RSF1: variants seen among roughly 807,000 people sequenced by gnomAD.
RSF1 encodes the protein remodeling and spacing factor 1.
A neutral mutation model predicts 145.2 loss-of-function variants in RSF1; 13 were observed. The observed-to-expected ratio is 0.09, with a 90% CI of 0.06 to 0.14. The LOEUF (loss-of-function observed/expected upper bound fraction) is 0.14. RSF1 is among the 10% of genes least tolerant of loss of function. The pLI, the probability that RSF1 is intolerant of heterozygous loss-of-function variation, is 1.00. For missense variants in RSF1, 1,517 were observed against 1,718.2 expected (o/e 0.88, Z 2.07); for synonymous variants, 577 against 592.6 (o/e 0.97, Z 0.38).
At chr11:77,736,984 CAG>C (rs1295877839) in intron 4 of RSF1, among the ~76,000 whole-genome samples, 1 of 152,162 alleles carries the variant, frequency 6.6e-6, no homozygotes, top group African/African-American at 2.4e-5. Flanking sequence ...TACACAAAAT[CAG>C]AGAGTCAATA....
At chr11:77,734,738 C>T (rs1015151296) in intron 4 of RSF1, 103 of 1,497,856 alleles carry the variant, frequency 6.9e-5, no homozygotes, top group African/African-American at 2.3e-4. Context: ...ACATTCAGCC[C>T]GCTCTCCCAG....
the RSF1 span, among the ~76,000 whole-genome samples, chr11:77,833,015 T>A: frequency 3.8e-5 from 5 of 133,308 alleles, no homozygotes; most frequent in East Asian, 2.1e-4. Context: ...ATATATTTTT[T>A]TTTTTTTTTT....
chr11:77,794,714 C>T (rs1948554493), intron 1 of RSF1, among the ~76,000 whole-genome samples: 1 of 151,852 alleles, frequency 6.6e-6, no homozygotes, highest in South Asian at 2.1e-4. Context: ...ATAACAAAGC[C>T]CATAGATAAC....
At chr11:77,792,918 G>C (rs1405989438) in intron 1 of RSF1, among the ~76,000 whole-genome samples, 3 of 152,060 alleles carry the variant, frequency 2.0e-5, no homozygotes, top group Non-Finnish European at 4.4e-5. Context: ...GGAAGTCAAA[G>C]GATGATATTT....
chr11:77,842,628 G>A, the RSF1 span: 3 of 1,613,612 alleles, frequency 1.9e-6, no homozygotes, highest in African/African-American at 1.3e-5. Context: ...CAGGAACTGA[G>A]GTAAGATATT....
chr11:77,735,139 T>G lies in RSF1; in HGVS notation c.578+5592A>C, dbSNP rs946121266. On this transcript the variant is annotated intron_variant, in intron 4 of 15. Coordinates refer to ENST00000308488, the MANE Select transcript of RSF1 (RefSeq NM_016578.4). ...CGTGAAGAGGTGAGGGAGGGCTGGC[T>G]ATGGGCGGCCGGCTGGGGTGGGGGA... 1.3e-5 allele frequency: 9 copies of G among 717,972 alleles called. No homozygotes were observed. The African/African-American group carries it at 1.6e-4, about 12-fold the overall frequency. 44.5% of individuals were successfully genotyped at this position (717,972 alleles called of 1,614,324 possible). A position where few individuals can be genotyped will look rare whatever the true frequency, so the allele number is the denominator to read the frequency against.
chr11:77,848,787 A>G, the RSF1 span, among the ~76,000 whole-genome samples: 1 of 151,816 alleles, frequency 6.6e-6, no homozygotes, highest in Non-Finnish European at 1.5e-5. Context: ...GTTTCTTTCT[A>G]CTACATATTG....
the RSF1 span, among the ~76,000 whole-genome samples, chr11:77,827,207 A>C: frequency 6.6e-6 from 1 of 152,206 alleles, no homozygotes; most frequent in Admixed American, 6.5e-5. Flanking sequence ...GGTCAGTTCT[A>C]CCAAAAGTTG....
chr11:77,681,129 T>C lies in RSF1; in HGVS notation c.3065+2581A>G, dbSNP rs1471631582. On this transcript the variant is annotated intron_variant, in intron 11 of 15. Transcript: ENST00000308488. The stretch of plus-strand genomic sequence containing the variant: ...TTGATTTATATCCCAGATGCAGAGC[T>C]TCAGATAAAAGATTTCTGAATACAA... Among the ~76,000 whole-genome samples, 4 of 152,216 alleles carry C rather than the reference T, an allele frequency of 2.6e-5. No individual in the cohort carries two copies. The East Asian group carries it at 7.7e-4, about 29-fold the overall frequency.
At chr11:77,729,492 T>C (rs1019603453) in intron 4 of RSF1, among the ~76,000 whole-genome samples, 6 of 151,452 alleles carry the variant, frequency 4.0e-5, no homozygotes, top group African/African-American at 1.5e-4. Context: ...AGCCTAGGAG[T>C]TGTTCAGAGT....
At chr11:77,715,205 A>G (rs1467832791) in intron 5 of RSF1, among the ~76,000 whole-genome samples, 2 of 151,706 alleles carry the variant, frequency 1.3e-5, no homozygotes, top group African/African-American at 4.8e-5. Flanking sequence ...CAGCAGCACT[A>G]TAGTCTGTAT....
At position 77,669,594 on chromosome 11, in the gene RSF1, T is replaced by A. The variant is rs117861852; in HGVS notation, c.3752-2103A>T. 6.8e-3 allele frequency among the ~76,000 whole-genome samples: 1,037 copies of A among 152,356 alleles called. 1 individual carries two copies. Among genetic ancestry groups the A allele is most frequent in the Non-Finnish European group, 0.01 (696 of 68,030 alleles). Reference sequence around the variant, plus strand: ...TAAAAATAAAAATTCAGTTCCATGGTCACACTAGCCACATTTCAAGTGCTC... The same window carrying A: ...TAAAAATAAAAATTCAGTTCCATGGACACACTAGCCACATTTCAAGTGCTC... On this transcript the variant is annotated intron_variant, in intron 15 of 15. Coordinates refer to ENST00000308488, the MANE Select transcript of RSF1 (RefSeq NM_016578.4).
chr11:77,685,293 TATTATTTATTTA>T, intron 9 of RSF1, 134 bp from the exon 10 acceptor site: 1 of 458,370 alleles, frequency 2.2e-6, no homozygotes, highest in Non-Finnish European at 3.8e-6. Flanking sequence ...AAATGTTAGC[TATTATTTATTTA>T]TTTATTTATA....
intron 7 of RSF1, among the ~76,000 whole-genome samples, chr11:77,695,050 A>C (rs1565150901): frequency 6.6e-6 from 1 of 152,188 alleles, no homozygotes; most frequent in East Asian, 1.9e-4. Context: ...CACTTGGTTA[A>C]AGTACATCTG....
intron 9 of RSF1, among the ~76,000 whole-genome samples, chr11:77,685,613 T>C (rs1250085165): frequency 1.3e-5 from 2 of 152,174 alleles, no homozygotes; most frequent in Non-Finnish European, 2.9e-5. Context: ...CTATTAAGTA[T>C]AAAACTTTAA....
chr11:77,765,050 T>C (rs968273532), intron 1 of RSF1, among the ~76,000 whole-genome samples: 1 of 152,112 alleles, frequency 6.6e-6, no homozygotes, highest in Admixed American at 6.6e-5. Flanking sequence ...TGTATGAGTA[T>C]GGGGACAGGG....
At chr11:77,670,723 C>T (rs1959499802) in intron 15 of RSF1, among the ~76,000 whole-genome samples, 1 of 152,014 alleles carries the variant, frequency 6.6e-6, no homozygotes, top group African/African-American at 2.4e-5. Flanking sequence ...CTTTAGCATC[C>T]CACATCCAAA....
the RSF1 span, among the ~76,000 whole-genome samples, chr11:77,835,036 G>C: frequency 6.6e-6 from 1 of 152,160 alleles, no homozygotes; most frequent in Non-Finnish European, 1.5e-5. Flanking sequence ...TTATTTTGGA[G>C]ACTAGTACTT....
At chr11:77,729,652 G>A (rs1271186051) in intron 4 of RSF1, among the ~76,000 whole-genome samples, 5 of 151,390 alleles carry the variant, frequency 3.3e-5, no homozygotes, top group Non-Finnish European at 5.9e-5. Flanking sequence ...CAAGTATCTG[G>A]TTCTTCCACA....
Sources: gnomAD v4.1 joint callset for allele counts (sites outside exome capture counted in the v4.1 genomes callset) on GRCh38, gnomAD v4.1.1 for gene constraint, MANE v1.5 for transcripts, NCBI Gene and HGNC (gene_info 2026-07-23, HGNC 2026-07-21) for gene names.